Variants in ALDH7A1 observed in about 807,000 individuals in gnomAD.
The protein encoded by ALDH7A1 is alpha-aminoadipic semialdehyde dehydrogenase.
ALDH7A1 carries 63 observed loss-of-function variants against 79.9 expected under a neutral mutation model. The ratio of observed to expected loss-of-function variants is 0.79; its 90% CI spans 0.64 to 0.97. ALDH7A1 has a LOEUF of 0.97. Ranked by LOEUF, ALDH7A1 falls within the 50% of genes least tolerant of loss-of-function variation. The pLI is 0.00. For synonymous variants in ALDH7A1, 240 were observed against 231.2 expected (o/e 1.04, Z -0.34); for missense variants, 627 against 665.2 (o/e 0.94, Z 0.63).
intron 11 of ALDH7A1, among the ~76,000 whole-genome samples, chr5:126,557,576 A>C (rs1750241944): frequency 6.6e-6 from 1 of 150,668 alleles, no homozygotes; most frequent in African/African-American, 2.4e-5. Flanking sequence ...ACAGAGAGAG[A>C]CTCCATCTCA....
chr5:126,577,248 G>A, intron 5 of ALDH7A1, 37 bp from the exon 6 acceptor site: 4 of 1,612,514 alleles, frequency 2.5e-6, no homozygotes, highest in Non-Finnish European at 3.4e-6. Context: ...GCAGAAGCAT[G>A]TTAATTTAAT....
In ALDH7A1 at chr5:126,590,689, G is replaced by T. The variant is rs145377743; in HGVS notation, c.312+1975C>A. Reference sequence around the variant, plus strand: ...CGTTTGAACTTAGGAGTTCGAGACCGCCCTGGGCAATATGGTGAAACCCCA... The same window carrying T: ...CGTTTGAACTTAGGAGTTCGAGACCTCCCTGGGCAATATGGTGAAACCCCA... On this transcript the variant is annotated intron_variant, in intron 3 of 17. Coordinates refer to ENST00000409134, the MANE Select transcript of ALDH7A1 (RefSeq NM_001182.5). 5.9e-5 allele frequency among the ~76,000 whole-genome samples: 9 copies of T among 151,852 alleles called. No individual in the cohort carries two copies. In the East Asian group the frequency reaches 1.7e-3, roughly 29 times the overall value.
At position 126,576,779 on chromosome 5, in the gene ALDH7A1, G is replaced by T. The variant is rs34496788; in HGVS notation, c.650+300C>A. Among the ~76,000 whole-genome samples, 20,117 of 151,934 alleles carry T rather than the reference G, an allele frequency of 0.13. 1,627 individuals carry two copies. The highest frequency in any genetic ancestry group is 0.23 in the African/African-American group (9,489 of 41,416). On this transcript the variant is annotated intron_variant, in intron 6 of 17. Coordinates refer to ENST00000409134, the MANE Select transcript of ALDH7A1 (RefSeq NM_001182.5). ...CATCTCTACTAAAAATACAAAAAAT[G>T]AGCCGGGCATGGTTGCGCATGCCTG...
intron 2 of ALDH7A1, 95 bp from the exon 3 acceptor site, chr5:126,592,824 A>G (rs531400183): frequency 2.4e-6 from 3 of 1,247,934 alleles, no homozygotes; most frequent in South Asian, 2.5e-5. Flanking sequence ...AGAGTTGGGA[A>G]ATCTCTAGGG....
At chr5:126,570,960 C>G (rs752333922) in intron 7 of ALDH7A1, 101 bp from the exon 8 acceptor site, 7 of 1,117,858 alleles carry the variant, frequency 6.3e-6, no homozygotes, top group Non-Finnish European at 8.1e-6. Context: ...TCAACTTTCT[C>G]TCCCATCCCT....
At chr5:126,593,433 T>C in intron 1 of ALDH7A1, 29 bp from the exon 2 acceptor site, 2 of 1,613,740 alleles carry the variant, frequency 1.2e-6, no homozygotes, top group Non-Finnish European at 1.7e-6. Flanking sequence ...TGATCATGTA[T>C]AGAAAACGTA....
At chr5:126,552,422 G>A (rs971793259) in intron 13 of ALDH7A1, among the ~76,000 whole-genome samples, 4 of 152,126 alleles carry the variant, frequency 2.6e-5, no homozygotes, top group Non-Finnish European at 5.9e-5. Flanking sequence ...TGCTGCAAGC[G>A]GTTATTTTCA....
intron 3 of ALDH7A1, chr5:126,586,862 G>A (rs1309495331): frequency 6.6e-6 from 1 of 152,196 alleles, no homozygotes; most frequent in East Asian, 1.9e-4. Context: ...GAGGCAGGTG[G>A]ATCATTTGAG....
At chr5:126,585,262 C>T (rs115927983) in intron 3 of ALDH7A1, among the ~76,000 whole-genome samples, 2,052 of 152,300 alleles carry the variant, frequency 0.013, 36 homozygotes, top group African/African-American at 0.038. Context: ...CCCGCCATTG[C>T]ACTCCGGCCT....
chr5:126,593,281 C>A, intron 2 of ALDH7A1, 70 bp downstream of exon 2: 1 of 1,591,088 alleles, frequency 6.3e-7, no homozygotes. Context: ...AAAGCCTGCA[C>A]AAACTCCTTG....
rs1750396630 is a variant in ALDH7A1 at position 126,561,333 on chromosome 5, G to C, written c.872-209C>G. 8.4e-6 allele frequency: 3 copies of C among 358,626 alleles called. No homozygotes were observed. The South Asian group carries it at 2.2e-4, about 26-fold the overall frequency. 22.2% of individuals were successfully genotyped at this position (358,626 alleles called of 1,614,324 possible). ...TAATTTATAAAGTAGCATTACTATT[G>C]TATCAATATCAAATGTCCTGATTTT... is the stretch of plus-strand genomic sequence containing the variant. On this transcript the variant is annotated intron_variant, in intron 9 of 17. Coordinates refer to ENST00000409134, the MANE Select transcript of ALDH7A1 (RefSeq NM_001182.5).
intron 3 of ALDH7A1, among the ~76,000 whole-genome samples, chr5:126,585,175 G>A (rs1457272099): frequency 1.3e-5 from 2 of 152,156 alleles, no homozygotes; most frequent in African/African-American, 4.8e-5. Context: ...GCAGGTGCCT[G>A]TAATCCCAGC....
At chr5:126,584,238 T>C in intron 3 of ALDH7A1, 1 of 521,172 alleles carries the variant, frequency 1.9e-6, no homozygotes, top group East Asian at 3.2e-5. Flanking sequence ...AGGCAACAAA[T>C]AATTACAAAT....
In ALDH7A1 at chr5:126,573,237, T is replaced by A. The variant is rs529823622; in HGVS notation, c.695+2183A>T. On this transcript the variant is annotated intron_variant, in intron 7 of 17. Coordinates refer to ENST00000409134, the MANE Select transcript of ALDH7A1 (RefSeq NM_001182.5). ...CTTCCACATTAATTATTCTGCTGGG[T>A]TTTGTTTTGTTTTGTTTGTTTGTTT... Among the ~76,000 whole-genome samples, 42 of 150,190 alleles carry A rather than the reference T, an allele frequency of 2.8e-4. 1 individual carries two copies. The highest frequency in any genetic ancestry group is 6.8e-3 in the Middle Eastern group (2 of 292).
chr5:126,546,666 AT>A (rs1325692794), intron 16 of ALDH7A1, among the ~76,000 whole-genome samples: 1 of 151,348 alleles, frequency 6.6e-6, no homozygotes, highest in Non-Finnish European at 1.5e-5. Flanking sequence ...AAAAAAAAAA[AT>A]CCCATTAGCT....
Position 126,559,288 on chromosome 5 carries a change from G to T in ALDH7A1, c.960C>A (p.Phe320Leu). 1 of 1,614,022 alleles carries T rather than the reference G, an allele frequency of 6.2e-7. No individual in the cohort carries two copies. The highest frequency in any genetic ancestry group is 2.2e-5 in the East Asian group (1 of 44,876). The change falls in exon 11 of 18, where the codon TTC becomes TTA. Residue 320 changes from phenylalanine (F) to leucine (L), a missense_variant. By Grantham distance (22) the Phe-to-Leu change is conservative. Coordinates refer to ENST00000409134, the MANE Select transcript of ALDH7A1 (RefSeq NM_001182.5). ...TCTGGCCAGCTGTTCCCACAGCAGC[G>T]AAGAGAGCTGATGGAACAACTAAGC... Reference protein sequence around the residue: ...DLSLVVPSALFAAVGTAGQRC... With the variant: ...DLSLVVPSALLAAVGTAGQRC...
rs796052255 is a variant in ALDH7A1, at chr5:126,595,176, A to G, written c.23T>C (p.Leu8Pro). Residue 8 changes from leucine (L) to proline (P), a missense_variant, in exon 1 of 18, where the codon CTG becomes CCG. Transcript: ENST00000409134. ...GCTGGTCTTTGCAGCGTGCACACAC[A>G]GCGCGCGAGGAAGGCGCCACATACT... MWRLPRALCVHAAKTSKL... is the reference protein window; with the variant it reads MWRLPRAPCVHAAKTSKL... 1.9e-6 allele frequency: 3 copies of G among 1,553,042 alleles called. No individual in the cohort carries two copies. Among genetic ancestry groups the G allele is most frequent in the Middle Eastern group, 3.3e-4 (2 of 5,992 alleles).
intron 9 of ALDH7A1, among the ~76,000 whole-genome samples, chr5:126,565,266 G>A (rs957627986): frequency 6.6e-6 from 1 of 150,430 alleles, no homozygotes; most frequent in Admixed American, 6.6e-5. Context: ...GGTGGCGCAT[G>A]CCTGTAATCC....
At chr5:126,591,450 C>A (rs1173206492) in intron 3 of ALDH7A1, among the ~76,000 whole-genome samples, 2 of 152,010 alleles carry the variant, frequency 1.3e-5, no homozygotes, top group East Asian at 1.9e-4. Context: ...TGCAATCCAC[C>A]CCAACCCCAC....
Sources: allele counts gnomAD v4.1 joint callset (sites outside exome capture counted in the v4.1 genomes callset), GRCh38; gene constraint gnomAD v4.1.1; transcripts MANE v1.5; gene names NCBI Gene and HGNC (gene_info 2026-07-23, HGNC 2026-07-21).